WASHC2C: variants seen among roughly 807,000 people sequenced by gnomAD.
The protein encoded by WASHC2C is WASH complex subunit 2C, also known as Vaccinia Penetration Factor.
Under a neutral mutation model 142.2 loss-of-function variants are expected in WASHC2C, and 73 were observed. The ratio of observed to expected loss-of-function variants is 0.51; its 90% CI spans 0.43 to 0.62. The LOEUF (loss-of-function observed/expected upper bound fraction) is 0.62. WASHC2C is among the 20% of genes least tolerant of loss of function. The probability of loss-of-function intolerance (pLI) is 0.00; values close to 1 mark genes in which losing one functional copy is unlikely to be tolerated. For synonymous variants in WASHC2C, 337 were observed against 565.5 expected (o/e 0.60, Z 5.73); for missense variants, 969 against 1,531.7 (o/e 0.63, Z 6.13).
At chr10:45,786,107 G>A (rs1190894249) in intron 26 of WASHC2C, 26 of 290,542 alleles carry the variant, frequency 8.9e-5, no homozygotes, top group Middle Eastern at 2.4e-3. Flanking sequence ...ACTGGAGAGC[G>A]AGTGACAGTT....
At chr10:45,777,530 T>G in intron 22 of WASHC2C, 105 bp downstream of exon 22, 1 of 1,475,686 alleles carries the variant, frequency 6.8e-7, no homozygotes, top group Non-Finnish European at 9.4e-7. Context: ...AATGGCCCAT[T>G]TGTAGACAGA....
At chr10:45,763,229 C>G (rs1445480712) in intron 17 of WASHC2C, among the ~76,000 whole-genome samples, 159 bp from the exon 18 acceptor site, 1 of 152,158 alleles carries the variant, frequency 6.6e-6, no homozygotes, top group East Asian at 1.9e-4. Flanking sequence ...ACCCTGAGGC[C>G]TATCCCTTTA....
At chr10:45,753,293 C>G (rs2053827849) in intron 13 of WASHC2C, 56 bp downstream of exon 13, 1 of 1,191,622 alleles carries the variant, frequency 8.4e-7, no homozygotes, top group Admixed American at 2.4e-5. Flanking sequence ...AACTGTCTTT[C>G]TCACTAGGAG....
intron 14 of WASHC2C, 77 bp from the exon 15 acceptor site, chr10:45,754,859 G>C (rs2054045287): frequency 6.5e-7 from 1 of 1,548,110 alleles, no homozygotes; most frequent in South Asian, 1.2e-5. Context: ...GTTTTTGGTG[G>C]GTGATAATTT....
chr10:45,762,022 A>G (rs1347095621), intron 17 of WASHC2C, among the ~76,000 whole-genome samples: 1 of 151,648 alleles, frequency 6.6e-6, no homozygotes, highest in South Asian at 2.1e-4. Flanking sequence ...AAAAAAAAAA[A>G]ACTGTCCAAA....
intron 16 of WASHC2C, among the ~76,000 whole-genome samples, chr10:45,758,825 T>G (rs1376469182): frequency 6.7e-6 from 1 of 150,132 alleles, no homozygotes; most frequent in Non-Finnish European, 1.5e-5. Context: ...TCATTCTTTT[T>G]GATGCTCAGA....
chr10:45,755,069 T>C lies in WASHC2C; in HGVS notation c.1374T>C (p.Asp458=), dbSNP rs782355378. Residue 458 remains aspartate, a synonymous_variant, in exon 15 of 31, where the codon GAT becomes GAC. Coordinates refer to ENST00000623400, the MANE Select transcript of WASHC2C (RefSeq NM_001330074.2). The part of the protein sequence containing the change: ...TGLFDDDDGD[D]DDDFFSAPHS... ...TCTTTGATGATGATGATGGTGATGATGATGACGACTTTTTCTCGGCACCCC... is the reference window on the plus strand; with the variant it reads ...TCTTTGATGATGATGATGGTGATGACGATGACGACTTTTTCTCGGCACCCC... 2.4e-5 allele frequency: 38 copies of C among 1,611,524 alleles called. No individual in the cohort carries two copies. The South Asian group carries it at 3.6e-4, about 15-fold the overall frequency.
chr10:45,765,580 C>T, intron 18 of WASHC2C, 99 bp from the exon 19 acceptor site: 2 of 1,534,468 alleles, frequency 1.3e-6, no homozygotes, highest in East Asian at 2.3e-5. Context: ...TATTTGTATA[C>T]CTGACTGGAG....
chr10:45,771,438 G>A (rs561739980), intron 20 of WASHC2C: 1 of 984,192 alleles, frequency 1.0e-6, no homozygotes, highest in South Asian at 4.7e-5. Context: ...GGAGTAGAGG[G>A]CAGACATGGC....
In WASHC2C at chr10:45,777,358, A is replaced by G; in HGVS notation, c.2228A>G (p.Asp743Gly). ...KEAQLGVKSV[D>G]KKVESAKESL... Reference sequence around the variant, plus strand: ...GCACAACTTGGAGTGAAGTCTGTGGATAAGAAGGTTGAGAGTGCCAAGGAG... The same window carrying G: ...GCACAACTTGGAGTGAAGTCTGTGGGTAAGAAGGTTGAGAGTGCCAAGGAG... Residue 743 changes from aspartate to glycine, a missense_variant, in exon 22 of 31, where the codon GAT becomes GGT. Coordinates refer to ENST00000623400, the MANE Select transcript of WASHC2C (RefSeq NM_001330074.2). The G allele has an allele frequency of 6.2e-7, 1 of 1,609,412 alleles. No homozygotes were observed. The highest frequency in any genetic ancestry group is 8.5e-7 in the Non-Finnish European group (1 of 1,177,896).
At chr10:45,755,321 C>G (rs1306948907) in intron 15 of WASHC2C, among the ~76,000 whole-genome samples, 2 of 152,296 alleles carry the variant, frequency 1.3e-5, no homozygotes, top group African/African-American at 2.4e-5. Flanking sequence ...GCTCTGTAAG[C>G]TAATTACTAT....
At chr10:45,757,551 A>G (rs1391271651) in intron 16 of WASHC2C, among the ~76,000 whole-genome samples, 1 of 152,084 alleles carries the variant, frequency 6.6e-6, no homozygotes, top group African/African-American at 2.4e-5. Flanking sequence ...AGTAGAATCT[A>G]ATATCTAGTC....
chr10:45,747,935 A>G (rs1166310979), intron 8 of WASHC2C, among the ~76,000 whole-genome samples: 5 of 136,404 alleles, frequency 3.7e-5, no homozygotes, highest in African/African-American at 1.1e-4. Context: ...TTTCTTCAGA[A>G]TGAGGTGGTA....
chr10:45,734,388 T>C (rs1432954324), intron 3 of WASHC2C, among the ~76,000 whole-genome samples: 2 of 152,046 alleles, frequency 1.3e-5, no homozygotes, highest in African/African-American at 4.8e-5. Flanking sequence ...TGTGTGTGTA[T>C]TTTCATTTGC....
chr10:45,786,290 A>G (rs1416593917), intron 26 of WASHC2C: 43 of 461,040 alleles, frequency 9.3e-5, no homozygotes, highest in African/African-American at 2.0e-4. Flanking sequence ...TGAAATTTCT[A>G]TTTGATAACC....
chr10:45,762,392 A>G (rs1472069883), intron 17 of WASHC2C, among the ~76,000 whole-genome samples: 2 of 151,336 alleles, frequency 1.3e-5, no homozygotes, highest in Non-Finnish European at 3.0e-5. Flanking sequence ...TGGTATTTTT[A>G]CAAAATTAAT....
Position 45,787,020 on chromosome 10 carries a change from A to G in WASHC2C, c.2875-15A>G, listed in dbSNP as rs1554890474. On this transcript the variant is annotated splice_polypyrimidine_tract_variant and intron_variant, in intron 27 of 30. Transcript: ENST00000623400. Reference sequence around the variant, plus strand: ...TGTTGAAGAACAAATACAGAGTTTCATTTTTCTTCTTTAGGCAAATTTAGC... The same window carrying G: ...TGTTGAAGAACAAATACAGAGTTTCGTTTTTCTTCTTTAGGCAAATTTAGC... The G allele has an allele frequency of 1.1e-5, 17 of 1,588,416 alleles. No homozygotes were observed. The Admixed American group carries it at 1.9e-4, about 18-fold the overall frequency.
Position 45,789,306 on chromosome 10 carries a change from C to G in WASHC2C, c.3523C>G (p.Leu1175Val). 6.2e-7 allele frequency: 1 copy of G among 1,612,088 alleles called. No individual in the cohort carries two copies. The highest frequency in any genetic ancestry group is 8.5e-7 in the Non-Finnish European group (1 of 1,179,864). ...AGCAAAGAGCCCCATGTTTCCTGCT[C>G]TAGGCGAGGCCAGCAGTGATGATGA... ...GKAKSPMFPA[L>V]GEASSDDDLF... The change falls in exon 29 of 31, where the codon CTA becomes GTA. Residue 1175 changes from leucine to valine, a missense_variant. By Grantham distance (32) the Leu-to-Val change is conservative. Coordinates refer to ENST00000623400, the MANE Select transcript of WASHC2C (RefSeq NM_001330074.2).
rs1460098174 is a variant in WASHC2C, at chr10:45,750,845, C to T, written c.931+7C>T. 2 of 1,547,488 alleles carry T rather than the reference C, an allele frequency of 1.3e-6. No individual in the cohort carries two copies. The highest frequency in any genetic ancestry group is 1.4e-5 in the African/African-American group (1 of 71,558). On this transcript the variant is annotated splice_region_variant and intron_variant, in intron 10 of 30. Coordinates refer to ENST00000623400, the MANE Select transcript of WASHC2C (RefSeq NM_001330074.2). ...GTGGACGAGGAGCCGACAAGTGAGCCCCAGCCACGTTGATGGGGAGTAGGG... is the reference window on the plus strand; with the variant it reads ...GTGGACGAGGAGCCGACAAGTGAGCTCCAGCCACGTTGATGGGGAGTAGGG...
Sources: allele counts gnomAD v4.1 joint callset (sites outside exome capture counted in the v4.1 genomes callset), GRCh38; gene constraint gnomAD v4.1.1; transcripts MANE v1.5; gene names NCBI Gene and HGNC (gene_info 2026-07-23, HGNC 2026-07-21).